The following SLC9C2 variants were observed in gnomAD, a reference collection of about 807,000 sequenced individuals.
The protein encoded by SLC9C2 is sodium/hydrogen exchanger 11.
A neutral mutation model predicts 140.2 loss-of-function variants in SLC9C2; 75 were observed. The observed-to-expected ratio is 0.53, with a 90% CI of 0.44 to 0.65. The LOEUF (loss-of-function observed/expected upper bound fraction) is 0.65. Ranked by LOEUF, SLC9C2 falls within the 30% of genes least tolerant of loss-of-function variation. The probability of loss-of-function intolerance (pLI) is 0.00; values close to 1 mark genes in which losing one functional copy is unlikely to be tolerated. For missense variants in SLC9C2, 1,074 were observed against 1,331.8 expected (o/e 0.81, Z 3.01); for synonymous variants, 375 against 420.9 (o/e 0.89, Z 1.34).
intron 18 of SLC9C2, 37 bp downstream of exon 18, chr1:173,529,868 G>C (rs547457883): frequency 1.3e-6 from 2 of 1,582,792 alleles, no homozygotes; most frequent in African/African-American, 1.4e-5. Context: ...ACACCTAAGG[G>C]GTTTTTCTCC....
At chr1:173,544,971 C>T (rs547001267) in intron 13 of SLC9C2, among the ~76,000 whole-genome samples, 3 of 152,226 alleles carry the variant, frequency 2.0e-5, no homozygotes, top group East Asian at 1.9e-4. Flanking sequence ...CAAACCTGCA[C>T]GTTGTGCACA....
At chr1:173,550,452 A>T (rs150489576) in intron 11 of SLC9C2, among the ~76,000 whole-genome samples, 43,527 of 144,968 alleles carry the variant, frequency 0.3, 7,794 homozygotes, top group East Asian at 0.55. Flanking sequence ...TTATTTATTT[A>T]TTTTTGAGGA....
intron 8 of SLC9C2, among the ~76,000 whole-genome samples, chr1:173,575,017 G>T (rs1187825584): frequency 6.6e-6 from 1 of 152,090 alleles, no homozygotes; most frequent in Non-Finnish European, 1.5e-5. Flanking sequence ...CTACTTGAGA[G>T]GCTGAGGTGG....
chr1:173,535,709 C>T (rs1028402427), intron 15 of SLC9C2, 121 bp downstream of exon 15: 3 of 1,175,542 alleles, frequency 2.6e-6, no homozygotes, highest in Admixed American at 3.2e-5. Flanking sequence ...ACCACCCAAT[C>T]AGTGAAAATA....
At chr1:173,545,666 T>C (rs1255365424) in intron 13 of SLC9C2, among the ~76,000 whole-genome samples, 5 of 152,162 alleles carry the variant, frequency 3.3e-5, no homozygotes, top group Non-Finnish European at 7.3e-5. Context: ...TTGAGTCTGG[T>C]AGTAAATAGG....
intron 13 of SLC9C2, among the ~76,000 whole-genome samples, chr1:173,538,631 T>A (rs1409276291): frequency 6.6e-6 from 1 of 151,868 alleles, no homozygotes; most frequent in African/African-American, 2.4e-5. Flanking sequence ...TCAGAGAGAG[T>A]TTCTCTTGGA....
At chr1:173,570,132 C>T (rs923000425) in intron 9 of SLC9C2, among the ~76,000 whole-genome samples, 6 of 152,190 alleles carry the variant, frequency 3.9e-5, no homozygotes, top group Non-Finnish European at 8.8e-5. Context: ...CAAAAGCCTA[C>T]TTGGTGTCTA....
At chr1:173,531,364 G>T (rs1184347922) in intron 17 of SLC9C2, among the ~76,000 whole-genome samples, 1 of 152,176 alleles carries the variant, frequency 6.6e-6, no homozygotes, top group Admixed American at 6.5e-5. Context: ...GAGTCAGGCT[G>T]GTGGGATCAG....
chr1:173,541,640 A>G (rs1337786845), intron 13 of SLC9C2, among the ~76,000 whole-genome samples: 1 of 152,240 alleles, frequency 6.6e-6, no homozygotes, highest in East Asian at 1.9e-4. Flanking sequence ...GTAAAAGAAC[A>G]GAAATCACAA....
rs1661543237 is a variant in SLC9C2, at chr1:173,531,065, T to C, written c.2164-1011A>G. On this transcript the variant is annotated intron_variant, in intron 17 of 27. Coordinates refer to ENST00000367714, the MANE Select transcript of SLC9C2 (RefSeq NM_178527.4). ...ATTCTTTCACGTTTTCCAATGCAGATTTGTTTTTTTTGAAAGCCACATTAT... is the reference window on the plus strand; with the variant it reads ...ATTCTTTCACGTTTTCCAATGCAGACTTGTTTTTTTTGAAAGCCACATTAT... Among the ~76,000 whole-genome samples, 3 of 152,336 alleles carry C rather than the reference T, an allele frequency of 2.0e-5. No homozygotes were observed. The South Asian group carries it at 6.2e-4, about 32-fold the overall frequency.
chr1:173,587,853 G>A (rs1180485500), intron 4 of SLC9C2, 23 bp from the exon 5 acceptor site: 4 of 1,575,802 alleles, frequency 2.5e-6, no homozygotes, highest in Non-Finnish European at 2.6e-6. Context: ...TCATAACACA[G>A]TATTAGACTT....
chr1:173,530,613 A>G (rs1661513188), intron 17 of SLC9C2, among the ~76,000 whole-genome samples: 1 of 152,196 alleles, frequency 6.6e-6, no homozygotes, highest in South Asian at 2.1e-4. Flanking sequence ...TTCAAATGCA[A>G]GCTCTCCTAT....
chr1:173,542,197 A>T (rs1425475966), intron 13 of SLC9C2, among the ~76,000 whole-genome samples: 1 of 152,180 alleles, frequency 6.6e-6, no homozygotes, highest in Non-Finnish European at 1.5e-5. Flanking sequence ...ATCCCACAGA[A>T]ATACAAACTA....
Position 173,515,010 on chromosome 1 carries a change from C to T in SLC9C2, c.2907+2527G>A, listed in dbSNP as rs528809604. Reference sequence around the variant, plus strand: ...TGTTTTCTGGCTTGAAGGGTTTCGGCGGAGAGGTCCACTGTTAGTCTGATG... The same window carrying T: ...TGTTTTCTGGCTTGAAGGGTTTCGGTGGAGAGGTCCACTGTTAGTCTGATG... On this transcript the variant is annotated intron_variant, in intron 23 of 27. Coordinates refer to ENST00000367714, the MANE Select transcript of SLC9C2 (RefSeq NM_178527.4). Among the ~76,000 whole-genome samples, 5 of 152,240 alleles carry T rather than the reference C, an allele frequency of 3.3e-5. No homozygotes were observed. The East Asian group carries it at 5.8e-4, about 18-fold the overall frequency.
chr1:173,567,472 C>A (rs752817955), intron 9 of SLC9C2, among the ~76,000 whole-genome samples: 4 of 152,048 alleles, frequency 2.6e-5, no homozygotes, highest in Non-Finnish European at 5.9e-5. Context: ...TGAAGTATAG[C>A]TACTCTTGCT....
intron 5 of SLC9C2, among the ~76,000 whole-genome samples, chr1:173,585,989 AAAG>A (rs1665829917): frequency 6.6e-6 from 1 of 152,142 alleles, no homozygotes; most frequent in African/African-American, 2.4e-5. Context: ...AAATAAAAAA[AAAG>A]AAGACTTTCT....
At chr1:173,579,059 A>T (rs1259509002) in intron 7 of SLC9C2, among the ~76,000 whole-genome samples, 1 of 152,222 alleles carries the variant, frequency 6.6e-6, no homozygotes, top group Non-Finnish European at 1.5e-5. Flanking sequence ...ATCAGTATAT[A>T]TAGCACACAC....
chr1:173,554,837 G>T, intron 10 of SLC9C2, 23 bp from the exon 11 acceptor site: 1 of 1,386,310 alleles, frequency 7.2e-7, no homozygotes. Context: ...CACATAAATA[G>T]TTAGAACCAA....
intron 25 of SLC9C2, 61 bp from the exon 26 acceptor site, chr1:173,505,392 T>C: frequency 8.0e-7 from 1 of 1,243,574 alleles, no homozygotes. Flanking sequence ...CCTGGCTGCT[T>C]CCTAATCTTT....
Sources: allele counts gnomAD v4.1 joint callset (sites outside exome capture counted in the v4.1 genomes callset), GRCh38; gene constraint gnomAD v4.1.1; transcripts MANE v1.5; gene names NCBI Gene and HGNC (gene_info 2026-07-23, HGNC 2026-07-21).